Variants in TRIM68 observed in about 807,000 individuals in gnomAD.
The protein encoded by TRIM68 is tripartite motif containing 68.
TRIM68 carries 36 observed loss-of-function variants against 41.9 expected under a neutral mutation model. The observed-to-expected ratio is 0.86, with a 90% CI of 0.66 to 1.14. The LOEUF (loss-of-function observed/expected upper bound fraction) is 1.14. Among genes scored for constraint, TRIM68 ranks in the 50% most tolerant of loss-of-function variants. TRIM68 has a pLI of 0.00. For missense variants in TRIM68, 632 were observed against 605.1 expected (o/e 1.04, Z -0.47); for synonymous variants, 225 against 224.6 (o/e 1.00, Z -0.02).
At chr11:4,601,272 C>T (rs1440123694) in intron 5 of TRIM68, 145 bp from the exon 6 acceptor site, 2 of 685,416 alleles carry the variant, frequency 2.9e-6, no homozygotes, top group East Asian at 5.3e-5. Context: ...TTTGGCTGAG[C>T]CTCAAGCTGT....
At chr11:4,601,381 G>A (rs1051365850) in intron 5 of TRIM68, 12 of 592,240 alleles carry the variant, frequency 2.0e-5, no homozygotes, top group Admixed American at 5.9e-5. Context: ...ATTTTCTGTC[G>A]GACATGAAGG....
chr11:4,601,093 T>C lies in TRIM68; in HGVS notation c.841A>G (p.Ile281Val), dbSNP rs146230036. Residue 281 changes from isoleucine to valine, a missense_variant, in exon 6 of 7, where the codon ATC becomes GTC. Physicochemically the swap from Ile to Val is conservative, Grantham distance 29 (BLOSUM62 3). Transcript: ENST00000300747. ...KSWSLQQPEPISLELKTDCRV... is the reference protein window; with the variant it reads ...KSWSLQQPEPVSLELKTDCRV... ...CAATCTGTCTTCAACTCCAGGGAGA[T>C]TGGTTCTGGCTGCTGCAAGCTCCAA... 188 of 1,614,130 alleles carry C rather than the reference T, an allele frequency of 1.2e-4. 1 individual carries two copies. The East Asian group carries it at 2.1e-3, about 18-fold the overall frequency.
chr11:4,601,749 C>CGAACTG (rs1846492785), intron 4 of TRIM68, 63 bp from the exon 5 acceptor site: 8 of 1,592,946 alleles, frequency 5.0e-6, no homozygotes, highest in Non-Finnish European at 5.2e-6. Context: ...GAACAGACAT[C>CGAACTG]GAACTGGCAG....
At chr11:4,601,324 G>T in intron 5 of TRIM68, 197 bp from the exon 6 acceptor site, 1 of 605,602 alleles carries the variant, frequency 1.7e-6, no homozygotes, top group Non-Finnish European at 2.9e-6. Context: ...CATGCTATGG[G>T]AAGGGTTGGA....
In TRIM68 at chr11:4,605,214, C is replaced by T; in HGVS notation, c.291G>A (p.Leu97=). ...TCAGCTTTTCCCCATGGCGCTCACA[C>T]AGGTCACCCTTCAGCCCCATTCCTG... ...LHPGMGLKGD[L]CERHGEKLKM... Residue 97 remains leucine, a synonymous_variant, in exon 2 of 7, where the codon CTG becomes CTA. Coordinates refer to ENST00000300747, the MANE Select transcript of TRIM68 (RefSeq NM_018073.8). 1 of 1,614,270 alleles carries T rather than the reference C, an allele frequency of 6.2e-7. No individual in the cohort carries two copies. Among genetic ancestry groups the T allele is most frequent in the Non-Finnish European group, 8.5e-7 (1 of 1,180,046 alleles).
At chr11:4,607,286 T>G (rs1376322542) in intron 1 of TRIM68, among the ~76,000 whole-genome samples, 1 of 152,236 alleles carries the variant, frequency 6.6e-6, no homozygotes, top group African/African-American at 2.4e-5. Context: ...TTTTGTCCAT[T>G]TCTATTTCCC....
intron 1 of TRIM68, among the ~76,000 whole-genome samples, chr11:4,606,204 T>C (rs1333778142): frequency 6.6e-6 from 1 of 152,220 alleles, no homozygotes; most frequent in Non-Finnish European, 1.5e-5. Context: ...CTTTTAGTGA[T>C]ATGCTAGAAG....
Position 4,605,424 on chromosome 11 carries a change from C to T in TRIM68, c.81G>A (p.Met27Ile). The T allele has an allele frequency of 1.9e-6, 3 of 1,614,220 alleles. No individual in the cohort carries two copies. The highest frequency in any genetic ancestry group is 2.5e-6 in the Non-Finnish European group (3 of 1,180,044). The change falls in exon 2 of 7, where the codon ATG becomes ATA. Residue 27 changes from methionine (M) to isoleucine (I), a missense_variant. Physicochemically the swap from Met to Ile is conservative, Grantham distance 10. Coordinates refer to ENST00000300747, the MANE Select transcript of TRIM68 (RefSeq NM_018073.8). ...PICMTFLREP[M>I]SIDCGHSFCH... Reference sequence around the variant, plus strand: ...AGAAGCTGTGGCCACAGTCAATGCTCATGGGCTCCCTCAGGAAGGTCATAC... The same window carrying T: ...AGAAGCTGTGGCCACAGTCAATGCTTATGGGCTCCCTCAGGAAGGTCATAC...
chr11:4,606,484 C>G (rs1185377786), intron 1 of TRIM68, among the ~76,000 whole-genome samples: 1 of 152,222 alleles, frequency 6.6e-6, no homozygotes, highest in Non-Finnish European at 1.5e-5. Context: ...TAAACAGCAC[C>G]TGCAATGCAG....
In TRIM68 at chr11:4,602,180, G is replaced by A. The variant is rs1374658637; in HGVS notation, c.755C>T (p.Ser252Leu). The A allele has an allele frequency of 4.3e-6, 7 of 1,613,976 alleles. No homozygotes were observed. Among genetic ancestry groups the A allele is most frequent in the East Asian group, 2.2e-5 (1 of 44,874 alleles). ...CAACATCCAGCGGACAGGCCTCTGC[G>A]ACCTCTCTTTCAACTCTGCAATCAT... Reference protein sequence around the residue: ...WRMIAELKERSQRPVRWMLQD... With the variant: ...WRMIAELKERLQRPVRWMLQD... The change falls in exon 4 of 7, where the codon TCG (serine) becomes TTG (leucine). Residue 252 changes from serine to leucine, a missense_variant. By Grantham distance (145) the Ser-to-Leu change is moderately radical. Transcript: ENST00000300747.
intron 1 of TRIM68, 74 bp downstream of exon 1, chr11:4,607,953 C>T (rs1018327431): frequency 1.3e-5 from 2 of 152,410 alleles, no homozygotes; most frequent in African/African-American, 2.4e-5. Flanking sequence ...GGCAGGTCCC[C>T]AGGACAGCGG....
chr11:4,602,287 T>G lies in TRIM68; in HGVS notation c.648A>C (p.Leu216=), dbSNP rs200831357. Residue 216 remains leucine, a synonymous_variant, in exon 4 of 7, where the codon CTA becomes CTC. Coordinates refer to ENST00000300747, the MANE Select transcript of TRIM68 (RefSeq NM_018073.8). ...GCATGGTCTCCGCTGCCTCCCGCTG[T>G]AGGCTGGCCAGAGCTGCTGCTACCT... ...GAEVAAALAS[L]QREAAETMQK... 6 of 1,613,984 alleles carry G rather than the reference T, an allele frequency of 3.7e-6. No individual in the cohort carries two copies. Among genetic ancestry groups the G allele is most frequent in the African/African-American group, 1.3e-5 (1 of 74,900 alleles).
intron 1 of TRIM68, among the ~76,000 whole-genome samples, 177 bp downstream of exon 1, chr11:4,607,850 C>T (rs1327197095): frequency 6.6e-6 from 1 of 152,130 alleles, no homozygotes; most frequent in East Asian, 1.9e-4. Flanking sequence ...GCCTGGAAGA[C>T]TTCCAGTTAG....
rs764115036 is a variant in TRIM68 at position 4,605,274 on chromosome 11, A to G, written c.231T>C (p.Asn77=). 6 of 1,614,224 alleles carry G rather than the reference A, an allele frequency of 3.7e-6. No individual in the cohort carries two copies. The East Asian group carries it at 1.1e-4, about 30-fold the overall frequency. ...TTAGCAGACGGACTTTTTCTACAACATTGGCCAGCTGCCAATTAGGCCGCA... is the reference window on the plus strand; with the variant it reads ...TTAGCAGACGGACTTTTTCTACAACGTTGGCCAGCTGCCAATTAGGCCGCA... ...RNLRPNWQLA[N]VVEKVRLLRL... is the part of the protein sequence containing the mutation. The change falls in exon 2 of 7, where the codon AAT becomes AAC. Residue 77 remains asparagine (N), a synonymous_variant. Coordinates refer to ENST00000300747, the MANE Select transcript of TRIM68 (RefSeq NM_018073.8).
chr11:4,607,844 G>A lies in TRIM68; in HGVS notation c.-58+183C>T, dbSNP rs540432550. ...GGCATTTGAGAAGGGGGCGGGGCCT[G>A]GAAGACTTCCAGTTAGGACCCCAGC... On this transcript the variant is annotated intron_variant, in intron 1 of 6. Transcript: ENST00000300747. Among the ~76,000 whole-genome samples, 4 of 152,324 alleles carry A rather than the reference G, an allele frequency of 2.6e-5. No homozygotes were observed. In the South Asian group the frequency reaches 8.3e-4, roughly 32 times the overall value.
intron 6 of TRIM68, 60 bp from the exon 7 acceptor site, chr11:4,600,886 C>T: frequency 6.3e-7 from 1 of 1,577,562 alleles, no homozygotes; most frequent in South Asian, 1.2e-5. Flanking sequence ...TGGGTGAGAG[C>T]CCTCTGATAA....
intron 4 of TRIM68, 105 bp from the exon 5 acceptor site, chr11:4,601,791 C>T: frequency 7.6e-7 from 1 of 1,316,832 alleles, no homozygotes; most frequent in Non-Finnish European, 1.1e-6. Flanking sequence ...AGACAGATAC[C>T]AAGAATGGAG....
At chr11:4,601,213 C>T (rs1333079900) in intron 5 of TRIM68, 86 bp from the exon 6 acceptor site, 9 of 1,045,562 alleles carry the variant, frequency 8.6e-6, no homozygotes, top group Non-Finnish European at 1.4e-5. Flanking sequence ...GGGGCTTGGC[C>T]AGGGACATAG....
chr11:4,601,901 G>C (rs145523993), intron 4 of TRIM68: 1 of 762,526 alleles, frequency 1.3e-6, no homozygotes, highest in African/African-American at 1.7e-5. Flanking sequence ...CAAGACTCTC[G>C]GGCTAGAGGA....
Sources: allele counts gnomAD v4.1 joint callset (sites outside exome capture counted in the v4.1 genomes callset), GRCh38; gene constraint gnomAD v4.1.1; transcripts MANE v1.5; gene names NCBI Gene and HGNC (gene_info 2026-07-23, HGNC 2026-07-21).